The following LDLRAD4 variants were observed in gnomAD, a reference collection of about 807,000 sequenced individuals.
LDLRAD4 encodes low-density lipoprotein receptor class A domain-containing protein 4.
Under a neutral mutation model 17.0 loss-of-function variants are expected in LDLRAD4, and 5 were observed. The ratio of observed to expected loss-of-function variants is 0.29; its 90% CI spans 0.15 to 0.62. The LOEUF (loss-of-function observed/expected upper bound fraction) is 0.62, where lower values mean the gene tolerates loss of function less well. Among genes scored for constraint, LDLRAD4 ranks in the 20% least tolerant of loss-of-function variants. LDLRAD4 has a pLI of 0.84. For synonymous variants in LDLRAD4, 168 were observed against 171.8 expected (o/e 0.98, Z 0.17); for missense variants, 340 against 424.7 (o/e 0.80, Z 1.75).
At chr18:13,347,717 C>T (rs1388493636) in intron 1 of LDLRAD4, among the ~76,000 whole-genome samples, 23 of 152,194 alleles carry the variant, frequency 1.5e-4, no homozygotes, top group Non-Finnish European at 2.5e-4. Context: ...ACCAATCAGA[C>T]GTAGATTTGG....
chr18:13,264,886 G>A (rs1328996289), intron 1 of LDLRAD4, among the ~76,000 whole-genome samples: 2 of 152,174 alleles, frequency 1.3e-5, no homozygotes, highest in South Asian at 2.1e-4. Flanking sequence ...TGGAGGATTC[G>A]CAACTGGCCT....
chr18:13,261,257 G>A (rs1327590717), intron 1 of LDLRAD4, among the ~76,000 whole-genome samples: 1 of 152,210 alleles, frequency 6.6e-6, no homozygotes, highest in East Asian at 1.9e-4. Flanking sequence ...AAATAGACCA[G>A]CGGGTTCTTG....
At chr18:13,582,569 G>A (rs1343819564) in intron 3 of LDLRAD4, among the ~76,000 whole-genome samples, 1 of 152,160 alleles carries the variant, frequency 6.6e-6, no homozygotes, top group Non-Finnish European at 1.5e-5. Flanking sequence ...ACAACACATG[G>A]GCATCAATAC....
chr18:13,395,990 G>C (rs185307044), intron 2 of LDLRAD4, among the ~76,000 whole-genome samples: 6 of 152,250 alleles, frequency 3.9e-5, no homozygotes, highest in Admixed American at 6.5e-5. Flanking sequence ...TTCAAACTTG[G>C]CTAGAAGTCA....
chr18:13,438,730 A>G (rs2090833421), intron 3 of LDLRAD4, among the ~76,000 whole-genome samples: 1 of 152,250 alleles, frequency 6.6e-6, no homozygotes, highest in African/African-American at 2.4e-5. Context: ...AGATATGTGG[A>G]AGGTACATAA....
At chr18:13,263,325 C>G (rs1190996289) in intron 1 of LDLRAD4, among the ~76,000 whole-genome samples, 1 of 152,020 alleles carries the variant, frequency 6.6e-6, no homozygotes, top group East Asian at 1.9e-4. Context: ...TGTGTGGAAA[C>G]TGAGTCCCCT....
chr18:13,362,538 G>A (rs2083746837), intron 1 of LDLRAD4: 1 of 152,200 alleles, frequency 6.6e-6, no homozygotes, highest in Admixed American at 6.5e-5. Context: ...CCTTCAGATT[G>A]CAGTCTCCAT....
intron 3 of LDLRAD4, among the ~76,000 whole-genome samples, chr18:13,568,334 G>A (rs2094635956): frequency 6.6e-6 from 1 of 151,776 alleles, no homozygotes; most frequent in Non-Finnish European, 1.5e-5. Flanking sequence ...GCAGAAGGCA[G>A]CATGGGGCTG....
intron 3 of LDLRAD4, among the ~76,000 whole-genome samples, chr18:13,470,453 G>A (rs2092737066): frequency 6.6e-6 from 1 of 151,000 alleles, no homozygotes; most frequent in Non-Finnish European, 1.5e-5. Flanking sequence ...CCCAGCACTT[G>A]GCCACCATCC....
At chr18:13,363,602 G>T (rs117482634) in intron 1 of LDLRAD4, among the ~76,000 whole-genome samples, 1 of 152,276 alleles carries the variant, frequency 6.6e-6, no homozygotes, top group East Asian at 1.9e-4. Context: ...CTATCACATT[G>T]TCTTTGGATT....
In LDLRAD4 at chr18:13,479,553, G is replaced by A. The variant is rs573166504; in HGVS notation, c.181+41169G>A. ...GGAGAATCGCTTGAACCCGGGAGGC[G>A]GAGGCTGCAGCAAGCTGAGATCGCA... On this transcript the variant is annotated intron_variant, in intron 3 of 5. Coordinates refer to ENST00000359446, the Ensembl canonical transcript of LDLRAD4. Among the ~76,000 whole-genome samples, 37 of 152,136 alleles carry A rather than the reference G, an allele frequency of 2.4e-4. 1 individual carries two copies. The South Asian group carries it at 5.8e-3, about 24-fold the overall frequency.
intron 3 of LDLRAD4, among the ~76,000 whole-genome samples, chr18:13,599,938 T>C (rs2095141691): frequency 6.6e-6 from 1 of 152,218 alleles, no homozygotes; most frequent in South Asian, 2.1e-4. Flanking sequence ...AAATTATCTT[T>C]ATATTCTATA....
chr18:13,582,306 A>G (rs1186976312), intron 3 of LDLRAD4, among the ~76,000 whole-genome samples: 1 of 152,250 alleles, frequency 6.6e-6, no homozygotes, highest in East Asian at 1.9e-4. Context: ...ATGAATGTGT[A>G]TATCAGTTCT....
At chr18:13,330,768 C>A (rs1267505953) in intron 1 of LDLRAD4, among the ~76,000 whole-genome samples, 16 of 152,152 alleles carry the variant, frequency 1.1e-4, no homozygotes, top group Admixed American at 9.2e-4. Flanking sequence ...CCAGAAAGAC[C>A]AAGGCATTAC....
At chr18:13,583,955 G>C (rs1001301066) in intron 3 of LDLRAD4, among the ~76,000 whole-genome samples, 23 of 152,224 alleles carry the variant, frequency 1.5e-4, no homozygotes, top group African/African-American at 4.3e-4. Flanking sequence ...CAGGCCTGCC[G>C]TGCCCTTCCC....
chr18:13,396,496 AT>A (rs987095146), intron 2 of LDLRAD4, among the ~76,000 whole-genome samples: 5 of 152,118 alleles, frequency 3.3e-5, no homozygotes, highest in African/African-American at 1.2e-4. Flanking sequence ...ATTGTTTTTT[AT>A]TTTTTAGACA....
intron 3 of LDLRAD4, among the ~76,000 whole-genome samples, chr18:13,529,679 G>T (rs2094096967): frequency 6.6e-6 from 1 of 152,136 alleles, no homozygotes; most frequent in Non-Finnish European, 1.5e-5. Context: ...ACACTGAAAA[G>T]AAAATATAAC....
At chr18:13,275,147 T>C (rs748613232), upstream of LDLRAD4, among the ~76,000 whole-genome samples, 4 of 152,236 alleles carry the variant, frequency 2.6e-5, no homozygotes, top group African/African-American at 4.8e-5. Context: ...ACAGGTTTTG[T>C]CACTTTAGTT....
At chr18:13,565,551 C>T (rs1390984762) in intron 3 of LDLRAD4, among the ~76,000 whole-genome samples, 3 of 152,240 alleles carry the variant, frequency 2.0e-5, no homozygotes, top group Non-Finnish European at 2.9e-5. Context: ...ACAGCTGGAC[C>T]GTCCTGGCGC....
Sources: allele counts gnomAD v4.1 joint callset (sites outside exome capture counted in the v4.1 genomes callset), GRCh38; gene constraint gnomAD v4.1.1; transcripts MANE v1.5; gene names NCBI Gene and HGNC (gene_info 2026-07-23, HGNC 2026-07-21).